The following PTPRM variants were observed in gnomAD, a reference collection of about 807,000 sequenced individuals.
PTPRM encodes receptor-type tyrosine-protein phosphatase mu.
A neutral mutation model predicts 186.7 loss-of-function variants in PTPRM; 47 were observed. That is an observed-to-expected ratio of 0.25 (90% confidence interval 0.20 to 0.32). The LOEUF (loss-of-function observed/expected upper bound fraction) is 0.32. Ranked by LOEUF, PTPRM falls within the 10% of genes least tolerant of loss-of-function variation. The pLI is 1.00. For missense variants in PTPRM, 1,494 were observed against 1,865.0 expected, an observed-to-expected ratio of 0.80 and a Z score of 3.66; for synonymous variants, 668 against 674.9, an observed-to-expected ratio of 0.99 and a Z score of 0.16.
chr18:8,308,068 A>G (rs892714042), intron 20 of PTPRM, among the ~76,000 whole-genome samples: 3 of 152,206 alleles, frequency 2.0e-5, no homozygotes, highest in Non-Finnish European at 4.4e-5. Flanking sequence ...TTACCATCTT[A>G]ACCATTTTTA....
chr18:8,362,547 C>T (rs2095603474), intron 23 of PTPRM, among the ~76,000 whole-genome samples: 1 of 152,146 alleles, frequency 6.6e-6, no homozygotes, highest in Non-Finnish European at 1.5e-5. Context: ...TCCCAGCCCC[C>T]ACCTGCCAGA....
chr18:8,100,531 A>G (rs2091247524), intron 11 of PTPRM, among the ~76,000 whole-genome samples: 1 of 152,222 alleles, frequency 6.6e-6, no homozygotes, highest in African/African-American at 2.4e-5. Context: ...GCCACTCATG[A>G]AGGATCTGCT....
intron 1 of PTPRM, among the ~76,000 whole-genome samples, chr18:7,697,413 C>T (rs141174115): frequency 1.3e-5 from 2 of 152,250 alleles, no homozygotes; most frequent in East Asian, 1.9e-4. Flanking sequence ...AACAAACAAA[C>T]AAGATATCAG....
intron 19 of PTPRM, among the ~76,000 whole-genome samples, chr18:8,262,752 A>C (rs1220193068): frequency 6.6e-6 from 1 of 152,244 alleles, no homozygotes; most frequent in Non-Finnish European, 1.5e-5. Context: ...TATAGTAGGC[A>C]ATATATTAAT....
Position 7,723,434 on chromosome 18 carries a change from G to A in PTPRM, c.74-50715G>A, listed in dbSNP as rs189556178. 2.6e-3 allele frequency among the ~76,000 whole-genome samples: 394 copies of A among 152,168 alleles called. 2 individuals are homozygous for A. The highest frequency in any genetic ancestry group is 9.1e-3 in the African/African-American group (377 of 41,510). On this transcript the variant is annotated intron_variant, in intron 1 of 32. Transcript: ENST00000580170. ...GGTGAATTCTCTTGGTAAAGACAAG[G>A]GCAAAAAGAGCCCTTAAGTACCTGG...
At chr18:8,075,101 C>G (rs2089724336) in intron 8 of PTPRM, among the ~76,000 whole-genome samples, 1 of 152,074 alleles carries the variant, frequency 6.6e-6, no homozygotes, top group Non-Finnish European at 1.5e-5. Context: ...CAACTTCATT[C>G]TTGTGCATGT....
chr18:7,660,531 G>T (rs954415080), intron 1 of PTPRM, among the ~76,000 whole-genome samples: 3 of 152,214 alleles, frequency 2.0e-5, no homozygotes, highest in African/African-American at 7.2e-5. Flanking sequence ...ATCTATTCTA[G>T]ATTCTTTTCC....
At chr18:7,956,136 T>C (rs1214216810) in intron 7 of PTPRM, among the ~76,000 whole-genome samples, 1 of 152,150 alleles carries the variant, frequency 6.6e-6, no homozygotes, top group East Asian at 1.9e-4. Context: ...AACAGTATAT[T>C]GGGATATTTA....
chr18:7,783,748 TTGTGTGTGTG>T (rs60314284), intron 2 of PTPRM, among the ~76,000 whole-genome samples: 246 of 146,722 alleles, frequency 1.7e-3, no homozygotes, highest in Admixed American at 2.6e-3. Flanking sequence ...ATTTTTAATT[TTGTGTGTGTG>T]TGTGTGTGTG....
intron 1 of PTPRM, among the ~76,000 whole-genome samples, chr18:7,595,079 G>A (rs2143673562): frequency 6.6e-6 from 1 of 152,162 alleles, no homozygotes; most frequent in Non-Finnish European, 1.5e-5. Flanking sequence ...TCAGTGACTT[G>A]CTAGGCCTGA....
intron 19 of PTPRM, among the ~76,000 whole-genome samples, chr18:8,296,165 A>C (rs2095094984): frequency 6.6e-6 from 1 of 152,210 alleles, no homozygotes; most frequent in Admixed American, 6.5e-5. Flanking sequence ...TTTGTAAGGT[A>C]CTAACTAAAG....
At chr18:7,660,718 G>C (rs956242414) in intron 1 of PTPRM, among the ~76,000 whole-genome samples, 8 of 152,172 alleles carry the variant, frequency 5.3e-5, no homozygotes, top group African/African-American at 1.9e-4. Context: ...GCCACAGTGT[G>C]CTGGTTTAGC....
chr18:8,386,902 C>T (rs531969496), intron 30 of PTPRM, among the ~76,000 whole-genome samples, 170 bp from the exon 31 acceptor site: 7 of 152,174 alleles, frequency 4.6e-5, no homozygotes, highest in African/African-American at 1.2e-4. Flanking sequence ...TTTAACTGCT[C>T]GAGATTAAAA....
At chr18:8,344,446 GTGTATATATA>G (rs1299897997) in intron 23 of PTPRM, among the ~76,000 whole-genome samples, 3 of 16,588 alleles carry the variant, frequency 1.8e-4, no homozygotes, top group African/African-American at 2.5e-4. Flanking sequence ...GTGTGTGTGT[GTGTATATATA>G]TATATATATA....
chr18:8,125,426 T>C (rs2092308254), intron 13 of PTPRM, among the ~76,000 whole-genome samples: 1 of 152,082 alleles, frequency 6.6e-6, no homozygotes, highest in Admixed American at 6.6e-5. Context: ...TATACATACA[T>C]GTACATTTAA....
At chr18:7,635,605 A>G (rs1863188087) in intron 1 of PTPRM, among the ~76,000 whole-genome samples, 1 of 151,294 alleles carries the variant, frequency 6.6e-6, no homozygotes, top group South Asian at 2.1e-4. Context: ...AAGGATTAAT[A>G]AATTATTTAT....
intron 14 of PTPRM, among the ~76,000 whole-genome samples, chr18:8,241,818 T>C (rs2094436763): frequency 6.6e-6 from 1 of 152,158 alleles, no homozygotes; most frequent in Admixed American, 6.5e-5. Context: ...GTTTAGAAGG[T>C]GGTTCACAGA....
At chr18:7,946,738 C>G (rs1052169068) in intron 5 of PTPRM, 1 of 291,090 alleles carries the variant, frequency 3.4e-6, no homozygotes, top group East Asian at 1.0e-4. Flanking sequence ...TTCTGACTTA[C>G]GGCATTGTGT....
intron 11 of PTPRM, among the ~76,000 whole-genome samples, chr18:8,111,217 T>A (rs574697428): frequency 1.3e-5 from 2 of 152,374 alleles, no homozygotes; most frequent in African/African-American, 4.8e-5. Context: ...CTGCTTTGTC[T>A]AGTATATGGA....
Sources: gnomAD v4.1 joint callset for allele counts (sites outside exome capture counted in the v4.1 genomes callset) on GRCh38, gnomAD v4.1.1 for gene constraint, MANE v1.5 for transcripts, NCBI Gene and HGNC (gene_info 2026-07-23, HGNC 2026-07-21) for gene names.